The following RTN4RL1 variants were observed in gnomAD, a reference collection of about 807,000 sequenced individuals.
The protein encoded by RTN4RL1 is reticulon-4 receptor-like 1.
RTN4RL1 carries 7 observed loss-of-function variants against 25.6 expected under a neutral mutation model. That is an observed-to-expected ratio of 0.27 (90% CI 0.16 to 0.51). The LOEUF (loss-of-function observed/expected upper bound fraction) is 0.51, where lower values mean the gene tolerates loss of function less well. Among genes scored for constraint, RTN4RL1 ranks in the 20% least tolerant of loss-of-function variants. The pLI is 0.97. For missense variants in RTN4RL1, 500 were observed against 615.6 expected (o/e 0.81, Z 1.99); for synonymous variants, 297 against 288.2 (o/e 1.03, Z -0.31).
At chr17:1,952,581 G>C (rs1915707304) in intron 1 of RTN4RL1, among the ~76,000 whole-genome samples, 1 of 150,722 alleles carries the variant, frequency 6.6e-6, no homozygotes, top group South Asian at 2.1e-4. Flanking sequence ...CTGACCTCGT[G>C]ATCCACCCGC....
intron 1 of RTN4RL1, among the ~76,000 whole-genome samples, chr17:1,989,719 G>A (rs2066901556): frequency 6.6e-6 from 1 of 152,054 alleles, no homozygotes; most frequent in Admixed American, 6.6e-5. Context: ...GATTACAGGT[G>A]CATGCCACCA....
At chr17:1,983,935 C>T (rs1012031828) in intron 1 of RTN4RL1, among the ~76,000 whole-genome samples, 3 of 152,174 alleles carry the variant, frequency 2.0e-5, no homozygotes, top group Admixed American at 2.0e-4. Flanking sequence ...CTGCTCCCTC[C>T]CGGCTGGGAC....
intron 1 of RTN4RL1, among the ~76,000 whole-genome samples, chr17:1,939,377 A>C (rs1345485113): frequency 1.3e-5 from 2 of 151,880 alleles, no homozygotes; most frequent in Admixed American, 6.6e-5. Flanking sequence ...TAAATAAATA[A>C]ATAAATAAAT....
intron 1 of RTN4RL1, among the ~76,000 whole-genome samples, chr17:1,959,943 C>T (rs999745361): frequency 1.8e-4 from 28 of 152,290 alleles, no homozygotes; most frequent in African/African-American, 6.5e-4. Flanking sequence ...CCAGTCCACC[C>T]GCCTGCCCGC....
At chr17:1,942,600 C>A (rs1211328019) in intron 1 of RTN4RL1, among the ~76,000 whole-genome samples, 4 of 152,110 alleles carry the variant, frequency 2.6e-5, no homozygotes, top group Non-Finnish European at 5.9e-5. Flanking sequence ...AGGGTCCCTG[C>A]CTCACAGGGT....
At chr17:1,940,035 G>C (rs541790140) in intron 1 of RTN4RL1, among the ~76,000 whole-genome samples, 1 of 152,178 alleles carries the variant, frequency 6.6e-6, no homozygotes, top group African/African-American at 2.4e-5. Context: ...TCCCGGCCTC[G>C]TGCCGCTGCC....
At chr17:1,965,358 C>T (rs1353581380) in intron 1 of RTN4RL1, among the ~76,000 whole-genome samples, 1 of 152,232 alleles carries the variant, frequency 6.6e-6, no homozygotes, top group Non-Finnish European at 1.5e-5. Flanking sequence ...GTGATCCGCC[C>T]ACCTCGGCCT....
chr17:1,969,357 C>T (rs1004467890), intron 1 of RTN4RL1, among the ~76,000 whole-genome samples: 12 of 152,060 alleles, frequency 7.9e-5, no homozygotes, highest in East Asian at 7.7e-4. Context: ...ATGCCCGGCC[C>T]GGACCACTGT....
chr17:1,954,240 C>A (rs1321406096), intron 1 of RTN4RL1, among the ~76,000 whole-genome samples: 1 of 152,132 alleles, frequency 6.6e-6, no homozygotes, highest in Non-Finnish European at 1.5e-5. Flanking sequence ...GACAAGATTT[C>A]TCTTGCTTAC....
At chr17:2,003,109 AG>A in intron 1 of RTN4RL1, 1 of 152,372 alleles carries the variant, frequency 6.6e-6, no homozygotes, top group Non-Finnish European at 1.5e-5. Context: ...GGGCTTCACC[AG>A]GGGGCACTGC....
intron 1 of RTN4RL1, among the ~76,000 whole-genome samples, chr17:2,014,936 G>C (rs772059117): frequency 1.3e-5 from 2 of 152,170 alleles, no homozygotes; most frequent in Non-Finnish European, 2.9e-5. Flanking sequence ...CCAGAGCTGT[G>C]GTGGGGCCAG....
At chr17:1,997,246 C>A (rs1438332055) in intron 1 of RTN4RL1, among the ~76,000 whole-genome samples, 1 of 152,250 alleles carries the variant, frequency 6.6e-6, no homozygotes, top group Non-Finnish European at 1.5e-5. Flanking sequence ...ATCAACCTCA[C>A]TGGCCTTCCT....
intron 1 of RTN4RL1, among the ~76,000 whole-genome samples, chr17:1,942,844 T>C (rs1219845607): frequency 2.0e-5 from 3 of 152,126 alleles, no homozygotes; most frequent in Non-Finnish European, 4.4e-5. Flanking sequence ...GGAAAGGCAA[T>C]GGCCACAGCC....
chr17:1,965,888 C>G (rs527827599), intron 1 of RTN4RL1, among the ~76,000 whole-genome samples: 81 of 152,268 alleles, frequency 5.3e-4, no homozygotes, highest in African/African-American at 1.9e-3. Flanking sequence ...TTCTGCCTTC[C>G]CCCCACCCCT....
At chr17:1,938,399 T>A (rs981578905) in intron 1 of RTN4RL1, among the ~76,000 whole-genome samples, 1 of 150,752 alleles carries the variant, frequency 6.6e-6, no homozygotes, top group African/African-American at 2.4e-5. Context: ...GCCTCCGGGG[T>A]TCAAGTGATT....
intron 1 of RTN4RL1, among the ~76,000 whole-genome samples, chr17:2,005,739 T>TTTCTC (rs1555520911): frequency 6.9e-6 from 1 of 145,128 alleles, no homozygotes. Flanking sequence ...CTCTCTCTCT[T>TTTCTC]TCTCTCTCTC....
intron 1 of RTN4RL1, among the ~76,000 whole-genome samples, chr17:1,939,152 A>G (rs1009444060): frequency 7.9e-5 from 12 of 151,990 alleles, no homozygotes; most frequent in Non-Finnish European, 1.6e-4. Context: ...GGAGATCGAG[A>G]CCATCCTGGC....
intron 1 of RTN4RL1, among the ~76,000 whole-genome samples, chr17:1,971,822 T>C (rs796264415): frequency 2.2e-3 from 327 of 151,498 alleles, no homozygotes; most frequent in African/African-American, 7.0e-3. Context: ...ATTAGCCAGG[T>C]GTGGTGGCGG....
In RTN4RL1 at chr17:1,943,779, A is replaced by G. The variant is rs368931223; in HGVS notation, c.14-5971T>C. Reference sequence around the variant, plus strand: ...TGGAGCCTGGCTCAGCCCTGGAGACATGGAAGCCAGCCAGCGCACAGCTGG... The same window carrying G: ...TGGAGCCTGGCTCAGCCCTGGAGACGTGGAAGCCAGCCAGCGCACAGCTGG... On this transcript the variant is annotated intron_variant, in intron 1 of 1. Coordinates refer to ENST00000331238, the MANE Select transcript of RTN4RL1 (RefSeq NM_178568.4). Among the ~76,000 whole-genome samples the G allele has an allele frequency of 2.0e-4, 31 of 152,214 alleles. No individual in the cohort carries two copies. In the South Asian group the frequency reaches 6.2e-3, roughly 31 times the overall value.
Sources: gnomAD v4.1 joint callset for allele counts (sites outside exome capture counted in the v4.1 genomes callset) on GRCh38, gnomAD v4.1.1 for gene constraint, MANE v1.5 for transcripts, NCBI Gene and HGNC (gene_info 2026-07-23, HGNC 2026-07-21) for gene names.